LARGE1: variants seen among roughly 807,000 people sequenced by gnomAD.
LARGE1 encodes the protein xylosyl- and glucuronyltransferase LARGE1.
Under a neutral mutation model 87.6 loss-of-function variants are expected in LARGE1, and 43 were observed. That is an observed-to-expected ratio of 0.49 (90% CI 0.38 to 0.63). The LOEUF (loss-of-function observed/expected upper bound fraction) is 0.63, where lower values mean the gene tolerates loss of function less well. Among genes scored for constraint, LARGE1 ranks in the 30% least tolerant of loss-of-function variants. LARGE1 has a pLI of 0.00. For missense variants in LARGE1, 802 were observed against 1,000.2 expected, an observed-to-expected ratio of 0.80 and a Z score of 2.67; for synonymous variants, 434 against 394.6, an observed-to-expected ratio of 1.10 and a Z score of -1.18.
At chr22:33,785,392 G>A (rs991711746) in intron 1 of LARGE1, among the ~76,000 whole-genome samples, 41 of 152,060 alleles carry the variant, frequency 2.7e-4, no homozygotes, top group African/African-American at 8.4e-4. Context: ...AAAGTCACTC[G>A]ATGAGTAACG....
At chr22:33,637,933 AG>A (rs2080316249) in intron 3 of LARGE1, among the ~76,000 whole-genome samples, 1 of 152,204 alleles carries the variant, frequency 6.6e-6, no homozygotes, top group Non-Finnish European at 1.5e-5. Flanking sequence ...ATATACAGGG[AG>A]GGTACCTAAG....
chr22:33,331,205 A>G (rs1260579788), intron 10 of LARGE1, among the ~76,000 whole-genome samples: 1 of 151,858 alleles, frequency 6.6e-6, no homozygotes, highest in Non-Finnish European at 1.5e-5. Context: ...TCATGTACCC[A>G]TTTCTCAGAT....
intron 2 of LARGE1, among the ~76,000 whole-genome samples, chr22:33,677,023 T>C (rs1413149304): frequency 1.3e-5 from 2 of 152,150 alleles, no homozygotes; most frequent in East Asian, 3.9e-4. Context: ...ATATCATTTA[T>C]CCTCATTCTA....
intron 6 of LARGE1, among the ~76,000 whole-genome samples, chr22:33,537,883 C>CT (rs1302330465): frequency 2.6e-5 from 4 of 152,068 alleles, no homozygotes; most frequent in Non-Finnish European, 4.4e-5. Context: ...ATACAGGGTA[C>CT]TTTTTTACAG....
In LARGE1 at chr22:33,369,458, G is replaced by GTT. The variant is rs71812022; in HGVS notation, c.1131+12459_1131+12460dup. ...CAAGCTTCTTTTTTCTATTTTCTTG[G>GTT]TTTTTTTTTCCCCAAATTAAGAGTT... On this transcript the variant is annotated intron_variant, in intron 9 of 14. Transcript: ENST00000397394. Among the ~76,000 whole-genome samples the GTT allele has an allele frequency of 4.6e-5, 7 of 151,736 alleles. No individual in the cohort carries two copies. The South Asian group carries it at 6.2e-4, about 14-fold the overall frequency.
In LARGE1 at chr22:33,387,228, C is replaced by G. The variant is rs1364789579; in HGVS notation, c.893-2924G>C. 2.7e-5 allele frequency among the ~76,000 whole-genome samples: 4 copies of G among 148,200 alleles called. 2 individuals carry two copies. The highest frequency in any genetic ancestry group is 3.0e-5 in the Non-Finnish European group (2 of 66,310). On this transcript the variant is annotated intron_variant, in intron 7 of 14. Transcript: ENST00000397394. Reference sequence around the variant, plus strand: ...TCATCTGAAGTCAGGAGTCCAAGACCAGCCCCGCCAACATGGCGAAACCCC... The same window carrying G: ...TCATCTGAAGTCAGGAGTCCAAGACGAGCCCCGCCAACATGGCGAAACCCC...
chr22:33,892,135 C>T (rs1056724354), intron 1 of LARGE1, among the ~76,000 whole-genome samples: 3 of 152,188 alleles, frequency 2.0e-5, no homozygotes, highest in Non-Finnish European at 4.4e-5. Context: ...TAGCAACCCA[C>T]CACATCAGTC....
chr22:33,094,929 G>T, the LARGE1 span, among the ~76,000 whole-genome samples: 1 of 152,180 alleles, frequency 6.6e-6, no homozygotes, highest in Non-Finnish European at 1.5e-5. Flanking sequence ...ATGTTGGTCA[G>T]GCTTGTCTTG....
intron 11 of LARGE1, among the ~76,000 whole-genome samples, chr22:33,196,405 TG>T (rs1226242050): frequency 6.6e-6 from 1 of 152,074 alleles, no homozygotes; most frequent in African/African-American, 2.4e-5. Context: ...TTAAATGAAA[TG>T]GGGAAATGTA....
chr22:33,303,257 A>G (rs1189058528), intron 12 of LARGE1, among the ~76,000 whole-genome samples: 1 of 152,192 alleles, frequency 6.6e-6, no homozygotes, highest in Non-Finnish European at 1.5e-5. Context: ...GGGACACTGG[A>G]GATTCACAGA....
At chr22:33,188,062 T>C (rs965418117) in intron 11 of LARGE1, among the ~76,000 whole-genome samples, 1 of 150,126 alleles carries the variant, frequency 6.7e-6, no homozygotes, top group Non-Finnish European at 1.5e-5. Context: ...AACGTATGCA[T>C]ATTTCAAAAC....
At chr22:33,353,996 G>A (rs1940653578) in intron 9 of LARGE1, among the ~76,000 whole-genome samples, 1 of 152,184 alleles carries the variant, frequency 6.6e-6, no homozygotes, top group Non-Finnish European at 1.5e-5. Flanking sequence ...GACATGAGAG[G>A]TGGCAATGAA....
chr22:33,751,095 T>C (rs1200548087), intron 2 of LARGE1, among the ~76,000 whole-genome samples: 1 of 152,140 alleles, frequency 6.6e-6, no homozygotes, highest in Non-Finnish European at 1.5e-5. Flanking sequence ...AAAACTAAAA[T>C]AACATATTCA....
At chr22:33,403,079 C>T (rs1193495812) in intron 7 of LARGE1, among the ~76,000 whole-genome samples, 2 of 149,554 alleles carry the variant, frequency 1.3e-5, no homozygotes, top group African/African-American at 5.0e-5. Flanking sequence ...CAACAAAATA[C>T]TACATAGTAC....
rs121908675 is a variant in LARGE1, at chr22:33,304,434, C to A, written c.1525G>T (p.Glu509Ter). The A allele has an allele frequency of 6.2e-7, 1 of 1,614,108 alleles. No individual in the cohort carries two copies. Among genetic ancestry groups the A allele is most frequent in the Non-Finnish European group, 8.5e-7 (1 of 1,180,006 alleles). Residue 509 changes from glutamate to a stop codon, truncating the protein, a stop_gained, in exon 12 of 15, where the codon GAG (glutamate) becomes TAG (stop). Transcript: ENST00000397394. LOFTEE classifies it high-confidence loss of function. ...ISLALYLSDA[E>*]AQQFLRYAQG... ...GCGTAGCGGAGGAACTGCTGGGCCT[C>A]GGCGTCTGACAGGTAGAGGGCCAGG...
chr22:33,635,743 T>G (rs975296626), intron 3 of LARGE1, among the ~76,000 whole-genome samples: 2 of 152,168 alleles, frequency 1.3e-5, no homozygotes, highest in African/African-American at 2.4e-5. Context: ...AAAACACATA[T>G]GTACCTATTA....
chr22:33,269,161 G>A (rs187399832), downstream of LARGE1, among the ~76,000 whole-genome samples: 6 of 152,170 alleles, frequency 3.9e-5, no homozygotes, highest in East Asian at 1.2e-3. Context: ...AAATGTTTGA[G>A]GAAAAAAACT....
chr22:33,847,512 T>C lies in LARGE1; in HGVS notation c.-83+72483A>G, dbSNP rs1044348288. On this transcript the variant is annotated intron_variant, in intron 1 of 14. Transcript: ENST00000397394. ...TGCTTCACATGGTAACAATATTGAG[T>C]ATAGTTTAGATTCTAACAATTTAGA... Among the ~76,000 whole-genome samples, 4 of 152,200 alleles carry C rather than the reference T, an allele frequency of 2.6e-5. No homozygotes were observed. The East Asian group carries it at 5.8e-4, about 22-fold the overall frequency.
chr22:33,115,815 CAA>C, the LARGE1 span, among the ~76,000 whole-genome samples: 21 of 97,956 alleles, frequency 2.1e-4, no homozygotes, highest in African/African-American at 7.9e-4. Flanking sequence ...GACTCTGTCT[CAA>C]AAAAAAAAAA....
Sources: gnomAD v4.1 joint callset for allele counts (sites outside exome capture counted in the v4.1 genomes callset) on GRCh38, gnomAD v4.1.1 for gene constraint, MANE v1.5 for transcripts, NCBI Gene and HGNC (gene_info 2026-07-23, HGNC 2026-07-21) for gene names.